The following PIK3CB variants were observed in gnomAD, a reference collection of about 807,000 sequenced individuals.
The protein encoded by PIK3CB is phosphatidylinositol-4,5-bisphosphate 3-kinase catalytic subunit beta.
A neutral mutation model predicts 136.8 loss-of-function variants in PIK3CB; 39 were observed. The ratio of observed to expected loss-of-function variants is 0.29; its 90% CI spans 0.22 to 0.37. The LOEUF (loss-of-function observed/expected upper bound fraction) is 0.37, where lower values mean the gene tolerates loss of function less well. PIK3CB is among the 10% of genes least tolerant of loss of function. PIK3CB has a pLI of 1.00. For synonymous variants in PIK3CB, 428 were observed against 436.6 expected (o/e 0.98, Z 0.25); for missense variants, 868 against 1,275.4 (o/e 0.68, Z 4.87).
chr3:138,691,892 T>G (rs2044016679), intron 14 of PIK3CB, among the ~76,000 whole-genome samples: 1 of 152,206 alleles, frequency 6.6e-6, no homozygotes, highest in African/African-American at 2.4e-5. Flanking sequence ...AAAATAAAAA[T>G]TCCATCAGTA....
chr3:138,800,743 G>A (rs1480403031), intron 1 of PIK3CB, among the ~76,000 whole-genome samples: 2 of 152,102 alleles, frequency 1.3e-5, no homozygotes, highest in African/African-American at 4.8e-5. Context: ...TACTGCCTCA[G>A]TCTCCTGAGT....
chr3:138,811,730 T>C (rs9883610), intron 1 of PIK3CB, among the ~76,000 whole-genome samples: 2,944 of 152,060 alleles, frequency 0.019, 41 homozygotes, highest in Non-Finnish European at 0.031. Flanking sequence ...GGCCCTGATA[T>C]GCAAGAAAAT....
intron 1 of PIK3CB, among the ~76,000 whole-genome samples, chr3:138,818,741 T>C (rs1933438019): frequency 1.3e-5 from 2 of 152,218 alleles, no homozygotes; most frequent in South Asian, 4.1e-4. Flanking sequence ...CTGGACTCAA[T>C]GCTTCCTTTT....
intron 12 of PIK3CB, among the ~76,000 whole-genome samples, chr3:138,703,552 A>T (rs922587401): frequency 1.3e-5 from 2 of 150,402 alleles, no homozygotes; most frequent in African/African-American, 2.4e-5. Context: ...ATACATATTT[A>T]TATATATATA....
intron 1 of PIK3CB, among the ~76,000 whole-genome samples, chr3:138,832,782 A>C (rs1480354407): frequency 2.1e-5 from 3 of 140,984 alleles, no homozygotes; most frequent in Non-Finnish European, 4.6e-5. Flanking sequence ...TGAGCTGGAG[A>C]TCGCGTCATT....
rs77590862 is a variant in PIK3CB at position 138,777,876 on chromosome 3, G to T, written c.-16-18517C>A. On this transcript the variant is annotated intron_variant, in intron 2 of 23. Coordinates refer to ENST00000674063, the MANE Select transcript of PIK3CB (RefSeq NM_006219.3). ...CTGATTTGGCCTTATTAGACACCTGGTCACCAAGGCTGCTTTTAACTCTGG... is the reference window on the plus strand; with the variant it reads ...CTGATTTGGCCTTATTAGACACCTGTTCACCAAGGCTGCTTTTAACTCTGG... 4.9e-4 allele frequency: 121 copies of T among 244,474 alleles called. 1 individual carries two copies. The East Asian group carries it at 0.011, about 22-fold the overall frequency. 15.1% of individuals were successfully genotyped at this position (244,474 alleles called of 1,614,324 possible). A position where few individuals can be genotyped will look rare whatever the true frequency, so the allele number is the denominator to read the frequency against.
chr3:138,656,969 T>C (rs1415778193), intron 22 of PIK3CB, among the ~76,000 whole-genome samples: 1 of 152,186 alleles, frequency 6.6e-6, no homozygotes, highest in Non-Finnish European at 1.5e-5. Flanking sequence ...GGTTTCACCA[T>C]GTTGGTCAGG....
At chr3:138,754,580 A>G (rs1241339359) in intron 4 of PIK3CB, among the ~76,000 whole-genome samples, 1 of 152,246 alleles carries the variant, frequency 6.6e-6, no homozygotes, top group African/African-American at 2.4e-5. Flanking sequence ...TGTATGATAC[A>G]TAACTATAAA....
intron 5 of PIK3CB, among the ~76,000 whole-genome samples, chr3:138,739,760 G>A (rs2045200267): frequency 6.6e-6 from 1 of 150,876 alleles, no homozygotes; most frequent in African/African-American, 2.4e-5. Flanking sequence ...AAATTAGCCA[G>A]GCATGGTGGC....
chr3:138,754,635 C>T (rs1156631824), intron 4 of PIK3CB, among the ~76,000 whole-genome samples: 2 of 151,976 alleles, frequency 1.3e-5, no homozygotes, highest in Non-Finnish European at 2.9e-5. Flanking sequence ...AACTAGCCAC[C>T]CTCTGAAGTA....
Position 138,742,612 on chromosome 3 carries a change from T to G in PIK3CB, c.567A>C (p.Glu189Asp). Residue 189 changes from glutamate (E) to aspartate (D), a missense_variant, in exon 5 of 24, where the codon GAA becomes GAC. Around this residue, in one of 4 missense-constraint regions of PIK3CB, gnomAD observed 612 missense variants for 801.1 expected, o/e 0.76. Transcript: ENST00000674063. ...TGAGCTTTCCCCCATAAAGTTTATC[T>G]TCTAAGTTTTCAGGGATGGATGGTT... ...EHEPSIPENL[E>D]DKLYGGKLIV... The G allele has an allele frequency of 6.2e-7, 1 of 1,608,954 alleles. No homozygotes were observed. Among genetic ancestry groups the G allele is most frequent in the Non-Finnish European group, 8.5e-7 (1 of 1,175,826 alleles).
chr3:138,690,797 A>G (rs546118077), intron 15 of PIK3CB, among the ~76,000 whole-genome samples: 3 of 152,032 alleles, frequency 2.0e-5, no homozygotes, highest in Non-Finnish European at 4.4e-5. Context: ...AGGGTCTTGG[A>G]TAACTGAATT....
rs1264890282 is a variant in PIK3CB, at chr3:138,721,410, T to C, written c.1051-6691A>G. Among the ~76,000 whole-genome samples, 7 of 152,278 alleles carry C rather than the reference T, an allele frequency of 4.6e-5. No homozygotes were observed. The East Asian group carries it at 1.4e-3, about 29-fold the overall frequency. On this transcript the variant is annotated intron_variant, in intron 8 of 23. Coordinates refer to ENST00000674063, the MANE Select transcript of PIK3CB (RefSeq NM_006219.3). ...TAACTCCTGACCTCAGGTGTTCCAC[T>C]TGTCTGGGCCTCCCAAACTGCTGGG...
At chr3:138,801,732 G>A (rs1386662568) in intron 1 of PIK3CB, among the ~76,000 whole-genome samples, 3 of 151,628 alleles carry the variant, frequency 2.0e-5, no homozygotes, top group African/African-American at 7.3e-5. Context: ...GCATGGTGGC[G>A]CGTGCTTGTA....
chr3:138,764,720 TC>T (rs940897369), intron 2 of PIK3CB, among the ~76,000 whole-genome samples: 6 of 152,158 alleles, frequency 3.9e-5, no homozygotes, highest in African/African-American at 1.4e-4. Flanking sequence ...TGCCAGCATA[TC>T]TCACATTCTC....
At chr3:138,818,433 T>C (rs1933425171) in intron 1 of PIK3CB, among the ~76,000 whole-genome samples, 1 of 152,240 alleles carries the variant, frequency 6.6e-6, no homozygotes, top group South Asian at 2.1e-4. Context: ...TTTTTCTTAT[T>C]TGTAAAACAA....
At chr3:138,814,220 G>A (rs1202309284) in intron 1 of PIK3CB, among the ~76,000 whole-genome samples, 1 of 152,170 alleles carries the variant, frequency 6.6e-6, no homozygotes, top group Non-Finnish European at 1.5e-5. Flanking sequence ...GCTCATGTCT[G>A]TAATCCCAGA....
intron 19 of PIK3CB, 77 bp from the exon 20 acceptor site, chr3:138,665,280 T>C: frequency 8.5e-7 from 1 of 1,171,710 alleles, no homozygotes; most frequent in East Asian, 2.7e-5. Context: ...TTCCCTTTAC[T>C]TTTTAAAAAA....
intron 4 of PIK3CB, among the ~76,000 whole-genome samples, chr3:138,754,369 C>T (rs902868851): frequency 6.6e-6 from 1 of 151,646 alleles, no homozygotes; most frequent in Non-Finnish European, 1.5e-5. Flanking sequence ...GACTGAGGGT[C>T]GAGTCAAGGC....
Sources: gnomAD v4.1 joint callset for allele counts (sites outside exome capture counted in the v4.1 genomes callset) on GRCh38, gnomAD v4.1.1 for gene constraint, gnomAD v4.1.1 regional missense constraint, MANE v1.5 for transcripts, NCBI Gene and HGNC (gene_info 2026-07-23, HGNC 2026-07-21) for gene names.